Variants in FAM114A1 observed in about 807,000 individuals in gnomAD.
FAM114A1 encodes the protein family with sequence similarity 114 member A1, also known as protein NOXP20.
A neutral mutation model predicts 64.3 loss-of-function variants in FAM114A1; 62 were observed. That is an observed-to-expected ratio of 0.96 (90% CI 0.79 to 1.19). The LOEUF is 1.19. FAM114A1 is among the 50% of genes most tolerant of loss of function. The pLI is 0.00. For synonymous variants in FAM114A1, 254 were observed against 251.1 expected, an observed-to-expected ratio of 1.01 and a Z score of -0.11; for missense variants, 645 against 676.3, an observed-to-expected ratio of 0.95 and a Z score of 0.51.
intron 4 of FAM114A1, among the ~76,000 whole-genome samples, chr4:38,904,119 A>C (rs1717769514): frequency 6.6e-6 from 1 of 152,090 alleles, no homozygotes; most frequent in African/African-American, 2.4e-5. Flanking sequence ...GTTTTTCCTC[A>C]TATTACTGCC....
chr4:38,915,100 G>A, intron 8 of FAM114A1, 27 bp downstream of exon 8: 1 of 1,609,808 alleles, frequency 6.2e-7, no homozygotes, highest in Non-Finnish European at 8.5e-7. Context: ...CGTTTGAAAT[G>A]GCATGCTTAG....
chr4:38,931,477 G>A lies in FAM114A1; in HGVS notation c.1188G>A (p.Val396=), dbSNP rs757718507. Residue 396 remains valine, a synonymous_variant, in exon 11 of 15, where the codon GTG becomes GTA. Transcript: ENST00000358869. ...NKAMKRAHDW[V]EEDQTVVSVD... is the part of the protein sequence containing the mutation. ...CCATGAAGAGGGCTCATGACTGGGT[G>A]GAAGAGGATCAAACCGTGGTGTCAG... 2.2e-5 allele frequency: 36 copies of A among 1,613,796 alleles called. No individual in the cohort carries two copies. Among genetic ancestry groups the A allele is most frequent in the Non-Finnish European group, 2.8e-5 (33 of 1,179,958 alleles).
In FAM114A1 at chr4:38,922,703, C is replaced by T. The variant is rs149558055; in HGVS notation, c.946-67C>T. ...CTTTTGTCCTGGGAAAACTGGGGAC[C>T]GCTGTGTGTAAACGTTATTAACGAG... On this transcript the variant is annotated intron_variant, in intron 8 of 14. Coordinates refer to ENST00000358869, the MANE Select transcript of FAM114A1 (RefSeq NM_138389.4). The T allele has an allele frequency of 4.9e-5, 75 of 1,536,288 alleles. No individual in the cohort carries two copies. In the African/African-American group the frequency reaches 7.5e-4, roughly 15 times the overall value.
chr4:38,938,294 G>C (rs993845790), intron 13 of FAM114A1, among the ~76,000 whole-genome samples: 9 of 152,144 alleles, frequency 5.9e-5, no homozygotes, highest in Admixed American at 2.0e-4. Flanking sequence ...AAAAAGATGA[G>C]AAATGACCAT....
At position 38,910,238 on chromosome 4, in the gene FAM114A1, C is replaced by CA. The variant is rs372880362; in HGVS notation, c.792+1524dup. 7.8e-3 allele frequency among the ~76,000 whole-genome samples: 1,029 copies of CA among 132,198 alleles called. 9 individuals are homozygous for CA. Among genetic ancestry groups the CA allele is most frequent in the South Asian group, 0.031 (129 of 4,184 alleles). 86.7% of individuals were successfully genotyped at this position (132,198 alleles called of 152,430 possible). The stretch of plus-strand genomic sequence containing the variant: ...TGGGCAATAAAGCAGGACTGCATCT[C>CA]AAAAAAAAAAAAGAAGAGAAAGGAA... On this transcript the variant is annotated intron_variant, in intron 7 of 14. Transcript: ENST00000358869.
intron 4 of FAM114A1, among the ~76,000 whole-genome samples, chr4:38,900,733 G>A (rs1202262361): frequency 6.6e-6 from 1 of 152,152 alleles, no homozygotes. Flanking sequence ...CTGACTACTG[G>A]AATGTAGAAT....
In FAM114A1 at chr4:38,932,355, C is replaced by G. The variant is rs148801066; in HGVS notation, c.1444C>G (p.Gln482Glu). 6.3e-7 allele frequency: 1 copy of G among 1,589,108 alleles called. No homozygotes were observed. Among genetic ancestry groups the G allele is most frequent in the Non-Finnish European group, 8.5e-7 (1 of 1,174,032 alleles). The change falls in exon 12 of 15, where the codon CAA (glutamine) becomes GAA (glutamate). Residue 482 changes from glutamine (Q) to glutamate (E), a missense_variant. By Grantham distance (29) the Gln-to-Glu change is conservative. Coordinates refer to ENST00000358869, the MANE Select transcript of FAM114A1 (RefSeq NM_138389.4). ...AGAAGAGGAAAAACCAGCTCAGGAC[C>G]AAGCAAAAGTTCTAATAAAGTAAGT... ...GQEEEKPAQD[Q>E]AKVLIKLTTA...
At chr4:38,928,586 A>G (rs898638540) in intron 9 of FAM114A1, among the ~76,000 whole-genome samples, 2 of 152,184 alleles carry the variant, frequency 1.3e-5, no homozygotes, top group East Asian at 1.9e-4. Context: ...TATGTGAGGT[A>G]TTGTGTTAGA....
chr4:38,876,043 A>G (rs749497131), intron 2 of FAM114A1, among the ~76,000 whole-genome samples: 3 of 152,184 alleles, frequency 2.0e-5, no homozygotes, highest in Non-Finnish European at 2.9e-5. Flanking sequence ...CTGGTCCCCA[A>G]CAAGGAATAC....
Position 38,943,536 on chromosome 4 carries a change from T to A in FAM114A1, c.1671T>A (p.Ser557Arg), listed in dbSNP as rs763838400. The A allele has an allele frequency of 3.1e-6, 5 of 1,614,030 alleles. No homozygotes were observed. Among genetic ancestry groups the A allele is most frequent in the Non-Finnish European group, 3.4e-6 (4 of 1,179,942 alleles). The change falls in exon 15 of 15, where the codon AGT becomes AGA. Residue 557 changes from serine to arginine, a missense_variant. By Grantham distance (110) the Ser-to-Arg change is moderately radical (BLOSUM62 -1). Coordinates refer to ENST00000358869, the MANE Select transcript of FAM114A1 (RefSeq NM_138389.4). ...PVLQVSHIQT[S>R]CLKAQP ...TGCAGGTCTCACATATCCAGACCAG[T>A]TGTTTGAAAGCACAGCCGTGACCTG...
At chr4:38,919,476 C>T (rs1719383786) in intron 8 of FAM114A1, among the ~76,000 whole-genome samples, 1 of 152,324 alleles carries the variant, frequency 6.6e-6, no homozygotes, top group South Asian at 2.1e-4. Flanking sequence ...GGCACCATCC[C>T]ACTGTCAGGA....
At chr4:38,878,479 C>G in intron 3 of FAM114A1, 53 bp downstream of exon 3, 1 of 1,492,946 alleles carries the variant, frequency 6.7e-7, no homozygotes, top group African/African-American at 1.4e-5. Flanking sequence ...TTATATCTAC[C>G]GTGTGCAGAG....
Position 38,872,376 on chromosome 4 carries a change from T to G in FAM114A1, c.-9+3830T>G, listed in dbSNP as rs190860302. ...ACACATGAGGGCAAGGCTTGTACATTTAGGCATCCATAATGGTTTTTATTT... is the reference window on the plus strand; with the variant it reads ...ACACATGAGGGCAAGGCTTGTACATGTAGGCATCCATAATGGTTTTTATTT... On this transcript the variant is annotated intron_variant, in intron 2 of 14. Transcript: ENST00000358869. 9.2e-5 allele frequency among the ~76,000 whole-genome samples: 14 copies of G among 152,350 alleles called. No homozygotes were observed. In the East Asian group the frequency reaches 2.5e-3, roughly 27 times the overall value.
chr4:38,940,838 G>A (rs966783036), intron 13 of FAM114A1, 130 bp from the exon 14 acceptor site: 3 of 917,744 alleles, frequency 3.3e-6, no homozygotes, highest in Admixed American at 4.2e-5. Flanking sequence ...CTGGTCTGTA[G>A]GAAGCATTCT....
At chr4:38,922,427 T>G (rs1719689614) in intron 8 of FAM114A1, among the ~76,000 whole-genome samples, 1 of 152,234 alleles carries the variant, frequency 6.6e-6, no homozygotes, top group African/African-American at 2.4e-5. Context: ...GACATTTGAC[T>G]GCAGGGTTGA....
Position 38,878,404 on chromosome 4 carries a change from C to T in FAM114A1, c.326C>T (p.Pro109Leu), listed in dbSNP as rs750131740. ...SLEAEPRSEI[P>L]LQEQNYLAVD... is the part of the protein sequence containing the mutation. ...GAGGCAGAACCCAGATCCGAAATAC[C>T]CCTGCAAGAACAGAATTATCTGGTA... The change falls in exon 3 of 15, where the codon CCC becomes CTC. Residue 109 changes from proline to leucine, a missense_variant. Coordinates refer to ENST00000358869, the MANE Select transcript of FAM114A1 (RefSeq NM_138389.4). The T allele has an allele frequency of 4.4e-6, 7 of 1,598,292 alleles. No homozygotes were observed. Among genetic ancestry groups the T allele is most frequent in the Non-Finnish European group, 5.1e-6 (6 of 1,171,710 alleles).
intron 9 of FAM114A1, among the ~76,000 whole-genome samples, chr4:38,923,801 T>G (rs79346620): frequency 6.6e-6 from 1 of 151,938 alleles, no homozygotes; most frequent in Admixed American, 6.6e-5. Context: ...TAACTTGACC[T>G]CAAGGAGATT....
intron 4 of FAM114A1, among the ~76,000 whole-genome samples, chr4:38,897,346 GC>G (rs1579328788): frequency 6.6e-6 from 1 of 152,254 alleles, no homozygotes; most frequent in East Asian, 1.9e-4. Context: ...AGATATTTGT[GC>G]CCACTGTGCT....
At chr4:38,903,811 A>G (rs1717734196) in intron 4 of FAM114A1, among the ~76,000 whole-genome samples, 1 of 152,186 alleles carries the variant, frequency 6.6e-6, no homozygotes, top group Admixed American at 6.5e-5. Context: ...ACGTATTTCT[A>G]TATGTGATTA....
Sources: gnomAD v4.1 joint callset for allele counts (sites outside exome capture counted in the v4.1 genomes callset) on GRCh38, gnomAD v4.1.1 for gene constraint, MANE v1.5 for transcripts, NCBI Gene and HGNC (gene_info 2026-07-23, HGNC 2026-07-21) for gene names.